Variants in ATG13 observed in about 807,000 individuals in gnomAD.
ATG13 encodes autophagy related 13.
In ATG13, 23 loss-of-function variants were observed where a neutral mutation model predicts 65.5. That is an observed-to-expected ratio of 0.35 (90% CI 0.25 to 0.50). ATG13 has a LOEUF of 0.50. Ranked by LOEUF, ATG13 falls within the 20% of genes least tolerant of loss-of-function variation. The pLI, the probability that ATG13 is intolerant of heterozygous loss-of-function variation, is 0.98. For synonymous variants in ATG13, 252 were observed against 245.2 expected, an observed-to-expected ratio of 1.03 and a Z score of -0.26; for missense variants, 566 against 677.0, an observed-to-expected ratio of 0.84 and a Z score of 1.82.
intron 5 of ATG13, among the ~76,000 whole-genome samples, chr11:46,646,191 C>T (rs2057487049): frequency 6.6e-6 from 1 of 152,140 alleles, no homozygotes; most frequent in African/African-American, 2.4e-5. Context: ...ATCTGTCGCC[C>T]AGGCTGGAGT....
chr11:46,644,635 C>G (rs1357460690), intron 3 of ATG13, among the ~76,000 whole-genome samples: 3 of 151,450 alleles, frequency 2.0e-5, no homozygotes, highest in Non-Finnish European at 4.4e-5. Flanking sequence ...ACTGTTATGC[C>G]AGGTTATTGG....
chr11:46,657,470 T>G, intron 9 of ATG13, 54 bp from the exon 10 acceptor site: 1 of 1,545,216 alleles, frequency 6.5e-7, no homozygotes, highest in Non-Finnish European at 8.9e-7. Flanking sequence ...GAGGACTTTG[T>G]GGGGGCTGGA....
chr11:46,671,090 A>T (rs931206008), intron 18 of ATG13, among the ~76,000 whole-genome samples: 2 of 152,128 alleles, frequency 1.3e-5, no homozygotes, highest in African/African-American at 4.8e-5. Context: ...TGTGGCTCCA[A>T]TTCTCTCAAC....
intron 1 of ATG13, among the ~76,000 whole-genome samples, chr11:46,629,421 G>C (rs1469103916): frequency 6.6e-6 from 1 of 152,060 alleles, no homozygotes. Flanking sequence ...TTCCGAGACA[G>C]AGTCTCAGTC....
At chr11:46,647,059 T>C (rs542051941) in intron 5 of ATG13, among the ~76,000 whole-genome samples, 41 of 152,110 alleles carry the variant, frequency 2.7e-4, no homozygotes, top group Non-Finnish European at 5.4e-4. Flanking sequence ...TTTGAACTTA[T>C]TATTCCAACC....
chr11:46,664,200 T>A, intron 12 of ATG13, 105 bp downstream of exon 12: 1 of 910,864 alleles, frequency 1.1e-6, no homozygotes, highest in Non-Finnish European at 1.6e-6. Context: ...CCAAGTGTTC[T>A]GTGGGATTAT....
At chr11:46,652,966 C>T (rs955381031) in intron 7 of ATG13, among the ~76,000 whole-genome samples, 12 of 151,988 alleles carry the variant, frequency 7.9e-5, no homozygotes, top group African/African-American at 2.9e-4. Flanking sequence ...CAGCCATCCC[C>T]TTTGTTTACA....
intron 1 of ATG13, among the ~76,000 whole-genome samples, chr11:46,621,417 C>T (rs1284434552): frequency 5.3e-5 from 8 of 152,118 alleles, no homozygotes; most frequent in East Asian, 1.9e-4. Flanking sequence ...GAAGAGTTAT[C>T]GGTGTGTACT....
chr11:46,650,389 T>A (rs1271406892), intron 7 of ATG13, 72 bp downstream of exon 7: 18 of 1,535,022 alleles, frequency 1.2e-5, no homozygotes, highest in Non-Finnish European at 1.6e-5. Context: ...GGCATTTAGA[T>A]GTTCTGTGAT....
intron 7 of ATG13, among the ~76,000 whole-genome samples, chr11:46,650,603 T>A (rs1210244826): frequency 6.6e-6 from 1 of 151,798 alleles, no homozygotes; most frequent in Non-Finnish European, 1.5e-5. Flanking sequence ...AAGTCAAGAG[T>A]TTTATTTATT....
chr11:46,663,779 T>C (rs892842373), intron 11 of ATG13, among the ~76,000 whole-genome samples: 17 of 152,248 alleles, frequency 1.1e-4, no homozygotes, highest in African/African-American at 3.6e-4. Context: ...CAGGCATACA[T>C]GGAATGCCCT....
At position 46,652,964 on chromosome 11, in the gene ATG13, C is replaced by T. The variant is rs186445573; in HGVS notation, c.458+2647C>T. Among the ~76,000 whole-genome samples the T allele has an allele frequency of 2.6e-5, 4 of 152,048 alleles. No homozygotes were observed. In the East Asian group the frequency reaches 7.8e-4, roughly 30 times the overall value. ...AAAGTTTTTTTAGGACACAGCCATCCCCTTTGTTTACATATTGTCTATGGC... is the reference window on the plus strand; with the variant it reads ...AAAGTTTTTTTAGGACACAGCCATCTCCTTTGTTTACATATTGTCTATGGC... On this transcript the variant is annotated intron_variant, in intron 7 of 18. Coordinates refer to ENST00000683050, the MANE Select transcript of ATG13 (RefSeq NM_001346311.2).
rs759807874 is a variant in ATG13, at chr11:46,668,496, C to G, written c.1252-3C>G. 2 of 1,614,042 alleles carry G rather than the reference C, an allele frequency of 1.2e-6. No individual in the cohort carries two copies. The highest frequency in any genetic ancestry group is 2.2e-5 in the East Asian group (1 of 44,884). The stretch of plus-strand genomic sequence containing the variant: ...TGAATGCTTTTCTCCTGTGTCTCTT[C>G]AGGTGACCCTGACGAGTTTGGATAT... On this transcript the variant is annotated splice_polypyrimidine_tract_variant and splice_region_variant and intron_variant, in intron 15 of 18. Transcript: ENST00000683050.
At chr11:46,648,299 A>AT (rs2058161670) in intron 5 of ATG13, among the ~76,000 whole-genome samples, 1 of 151,904 alleles carries the variant, frequency 6.6e-6, no homozygotes, top group Non-Finnish European at 1.5e-5. Flanking sequence ...AAGTGCTGGG[A>AT]TTACAGGCGT....
Position 46,667,748 on chromosome 11 carries a change from T to A in ATG13, c.1137-25T>A, listed in dbSNP as rs151150081. ...CGTCCTGCTGTGGTTTGAGAACGAG[T>A]ACTAACTTCACCTTTCTCCTCCAGT... is the stretch of plus-strand genomic sequence containing the variant. On this transcript the variant is annotated intron_variant, in intron 14 of 18. Transcript: ENST00000683050. 8.7e-5 allele frequency: 136 copies of A among 1,556,318 alleles called. No individual in the cohort carries two copies. The African/African-American group carries it at 1.6e-3, about 18-fold the overall frequency.
intron 11 of ATG13, among the ~76,000 whole-genome samples, chr11:46,660,303 A>C (rs910462182): frequency 6.6e-6 from 1 of 151,176 alleles, no homozygotes; most frequent in Non-Finnish European, 1.5e-5. Flanking sequence ...AAATCAGCCC[A>C]GATTCTCCTG....
At chr11:46,621,044 T>G (rs957256153) in intron 1 of ATG13, 2 of 152,134 alleles carry the variant, frequency 1.3e-5, no homozygotes, top group African/African-American at 4.8e-5. Context: ...ATACGGAGTC[T>G]TGCTCTGTTG....
chr11:46,640,323 CTGTT>C (rs1457618793), intron 2 of ATG13, among the ~76,000 whole-genome samples: 1 of 152,190 alleles, frequency 6.6e-6, no homozygotes, highest in Non-Finnish European at 1.5e-5. Context: ...TAGCCACTGT[CTGTT>C]AGTATATTCA....
At chr11:46,670,860 G>A (rs1336129605) in intron 18 of ATG13, among the ~76,000 whole-genome samples, 3 of 152,026 alleles carry the variant, frequency 2.0e-5, no homozygotes, top group Non-Finnish European at 2.9e-5. Context: ...TGAGTGCCAG[G>A]CATTTTTCTA....
Sources: allele counts gnomAD v4.1 joint callset (sites outside exome capture counted in the v4.1 genomes callset), GRCh38; gene constraint gnomAD v4.1.1; transcripts MANE v1.5; gene names NCBI Gene and HGNC (gene_info 2026-07-23, HGNC 2026-07-21).